ST18: variants seen among roughly 807,000 people sequenced by gnomAD.
ST18 encodes suppression of tumorigenicity 18 protein.
ST18 carries 50 observed loss-of-function variants against 110.0 expected under a neutral mutation model. The observed-to-expected ratio is 0.45, with a 90% CI of 0.36 to 0.58. ST18 has a LOEUF of 0.58. Among genes scored for constraint, ST18 ranks in the 20% least tolerant of loss-of-function variants. ST18 has a pLI of 0.00. For missense variants in ST18, 1,306 were observed against 1,280.1 expected (o/e 1.02, Z -0.31); for synonymous variants, 461 against 452.4 (o/e 1.02, Z -0.24).
At position 52,136,636 on chromosome 8, in the gene ST18, C is replaced by T; in HGVS notation, c.2254G>A (p.Asp752Asn). The change falls in exon 19 of 26, where the codon GAT becomes AAT. Residue 752 changes from aspartate (D) to asparagine (N), a missense_variant. Asp to Asn is a conservative substitution (Grantham distance 23). Coordinates refer to ENST00000689386, the MANE Select transcript of ST18 (RefSeq NM_001352837.2). The stretch of plus-strand genomic sequence containing the variant: ...GCCATGAGGGATTTTAGAGTCTTAT[C>T]TGCTAAAGGACATCCAGAAACACTA... ...HRSVSGCPLA[D>N]KTLKSLMAAN... 1 of 1,610,572 alleles carries T rather than the reference C, an allele frequency of 6.2e-7. No homozygotes were observed.
At chr8:52,163,621 G>C (rs1466503284) in intron 13 of ST18, among the ~76,000 whole-genome samples, 1 of 152,132 alleles carries the variant, frequency 6.6e-6, no homozygotes, top group Non-Finnish European at 1.5e-5. Flanking sequence ...ACTTCTGATG[G>C]CATTTTCTCC....
chr8:52,397,658 T>C (rs765644861), intron 2 of ST18, among the ~76,000 whole-genome samples: 1 of 152,178 alleles, frequency 6.6e-6, no homozygotes, highest in Non-Finnish European at 1.5e-5. Flanking sequence ...TTTTATTCAT[T>C]TGCATGTGGA....
chr8:52,152,096 TC>T (rs1425079231), intron 15 of ST18, among the ~76,000 whole-genome samples: 1 of 152,238 alleles, frequency 6.6e-6, no homozygotes, highest in Non-Finnish European at 1.5e-5. Context: ...CTTTCCTGCA[TC>T]CTGCGCCCAG....
rs115735677 is a variant in ST18 at position 52,122,093 on chromosome 8, C to T, written c.2756-3652G>A. Among the ~76,000 whole-genome samples, 1,009 of 152,248 alleles carry T rather than the reference C, an allele frequency of 6.6e-3. 9 individuals carry two copies. The highest frequency in any genetic ancestry group is 0.023 in the African/African-American group (969 of 41,546). On this transcript the variant is annotated intron_variant, in intron 23 of 25. Coordinates refer to ENST00000689386, the MANE Select transcript of ST18 (RefSeq NM_001352837.2). ...TCTCTTGACCTGCTGATCCGCCTTCCTTGCCTCCCAAAGTGCTGGGATTAT... is the reference window on the plus strand; with the variant it reads ...TCTCTTGACCTGCTGATCCGCCTTCTTTGCCTCCCAAAGTGCTGGGATTAT...
In ST18 at chr8:52,133,305, G is replaced by C. The variant is rs374899827; in HGVS notation, c.2301-4C>G. Reference sequence around the variant, plus strand: ...ATCGCAGCCTGGGGTTGGACACCTGGAAGGCACAGGAAGAGAGCATGGGCT... The same window carrying C: ...ATCGCAGCCTGGGGTTGGACACCTGCAAGGCACAGGAAGAGAGCATGGGCT... On this transcript the variant is annotated splice_polypyrimidine_tract_variant and splice_region_variant and intron_variant, in intron 19 of 25. Coordinates refer to ENST00000689386, the MANE Select transcript of ST18 (RefSeq NM_001352837.2). 2.5e-6 allele frequency: 4 copies of C among 1,614,044 alleles called. No homozygotes were observed. The African/African-American group carries it at 5.3e-5, about 22-fold the overall frequency.
At chr8:52,390,768 G>A (rs1338230286) in intron 2 of ST18, among the ~76,000 whole-genome samples, 2 of 152,190 alleles carry the variant, frequency 1.3e-5, no homozygotes, top group African/African-American at 4.8e-5. Flanking sequence ...CGGTGGCATG[G>A]AGCACTACAG....
At chr8:52,321,647 A>G (rs1803968433) in intron 2 of ST18, among the ~76,000 whole-genome samples, 1 of 152,202 alleles carries the variant, frequency 6.6e-6, no homozygotes, top group Admixed American at 6.5e-5. Context: ...TCCTAGTATC[A>G]CAGAGTGATG....
intron 22 of ST18, among the ~76,000 whole-genome samples, chr8:52,129,346 T>C (rs1014086893): frequency 2.7e-5 from 4 of 148,310 alleles, no homozygotes; most frequent in African/African-American, 7.5e-5. Context: ...CCCAGCTACT[T>C]GGGAGGCTGA....
chr8:52,214,896 A>C (rs1359302497), intron 6 of ST18, among the ~76,000 whole-genome samples: 1 of 152,222 alleles, frequency 6.6e-6, no homozygotes, highest in Non-Finnish European at 1.5e-5. Context: ...AAACATCATT[A>C]TTAAATATTT....
intron 2 of ST18, among the ~76,000 whole-genome samples, chr8:52,345,528 C>T (rs994013388): frequency 6.6e-6 from 1 of 152,224 alleles, no homozygotes; most frequent in African/African-American, 2.4e-5. Flanking sequence ...TGACAAACTC[C>T]AGTGAGTCTA....
chr8:52,358,659 A>G (rs777650594), intron 2 of ST18, among the ~76,000 whole-genome samples: 21 of 152,008 alleles, frequency 1.4e-4, no homozygotes, highest in Non-Finnish European at 2.8e-4. Context: ...AAGAAATAGA[A>G]AAGCTTGAAT....
rs975677702 is a variant in ST18, at chr8:52,172,176, C to A, written c.685G>T (p.Asp229Tyr). Reference sequence around the variant, plus strand: ...TTTATTTCAGGAACTTCCAATAGGTCTTTTTTATGATCTGTTAAAACATAC... The same window carrying A: ...TTTATTTCAGGAACTTCCAATAGGTATTTTTTATGATCTGTTAAAACATAC... ...PKYVLTDHKK[D>Y]LLEVPEIKTE... Residue 229 changes from aspartate to tyrosine, a missense_variant, in exon 10 of 26, where the codon GAC becomes TAC. Physicochemically the swap from Asp to Tyr is radical, Grantham distance 160. Transcript: ENST00000689386. The A allele has an allele frequency of 2.5e-6, 4 of 1,613,942 alleles. No individual in the cohort carries two copies. The African/African-American group carries it at 4.0e-5, about 16-fold the overall frequency.
chr8:52,402,521 G>C (rs373565170), intron 2 of ST18, among the ~76,000 whole-genome samples: 1 of 152,264 alleles, frequency 6.6e-6, no homozygotes. Flanking sequence ...AGGGAAGAAG[G>C]GGTGTTCTAG....
intron 2 of ST18, among the ~76,000 whole-genome samples, chr8:52,306,205 C>T (rs1218801915): frequency 6.6e-6 from 1 of 152,122 alleles, no homozygotes; most frequent in Admixed American, 6.5e-5. Context: ...GTGATGCCAG[C>T]TCTGGCCATC....
intron 2 of ST18, among the ~76,000 whole-genome samples, chr8:52,307,155 G>GA (rs375466585): frequency 0.051 from 7,671 of 149,072 alleles, 321 homozygotes; most frequent in African/African-American, 0.11. Flanking sequence ...CCTGCCTCTA[G>GA]AAAAAAAAAA....
At chr8:52,162,371 T>C (rs7015629) in intron 13 of ST18, among the ~76,000 whole-genome samples, 41,378 of 152,048 alleles carry the variant, frequency 0.27, 7,990 homozygotes, top group African/African-American at 0.55. Context: ...GAAGTGATGC[T>C]AGGCTCTGCT....
intron 8 of ST18, among the ~76,000 whole-genome samples, chr8:52,186,247 A>G (rs551158796): frequency 6.6e-6 from 1 of 152,354 alleles, no homozygotes; most frequent in South Asian, 2.1e-4. Flanking sequence ...CAGACTGCCA[A>G]TTTTAAACCT....
At chr8:52,151,552 C>T (rs1011802376) in intron 15 of ST18, among the ~76,000 whole-genome samples, 3 of 152,070 alleles carry the variant, frequency 2.0e-5, no homozygotes, top group African/African-American at 7.2e-5. Flanking sequence ...CATTTTTATA[C>T]CAGCATTAAT....
At chr8:52,248,253 C>T (rs1489763535) in intron 2 of ST18, among the ~76,000 whole-genome samples, 2 of 152,126 alleles carry the variant, frequency 1.3e-5, no homozygotes, top group African/African-American at 4.8e-5. Context: ...GATTTCTACA[C>T]AGAGTTTTAA....
Sources: allele counts gnomAD v4.1 joint callset (sites outside exome capture counted in the v4.1 genomes callset), GRCh38; gene constraint gnomAD v4.1.1; transcripts MANE v1.5; gene names NCBI Gene and HGNC (gene_info 2026-07-23, HGNC 2026-07-21).